Variants in PTPRA observed in about 807,000 individuals in gnomAD.
The protein encoded by PTPRA is protein tyrosine phosphatase receptor type A, also known as receptor-type tyrosine-protein phosphatase alpha.
In PTPRA, 25 loss-of-function variants were observed where a neutral mutation model predicts 104.8. The observed-to-expected ratio is 0.24, with a 90% CI of 0.17 to 0.33. The LOEUF is 0.33. Ranked by LOEUF, PTPRA falls within the 10% of genes least tolerant of loss-of-function variation. The pLI is 1.00. For synonymous variants in PTPRA, 323 were observed against 368.9 expected, an observed-to-expected ratio of 0.88 and a Z score of 1.43; for missense variants, 765 against 1,015.3, an observed-to-expected ratio of 0.75 and a Z score of 3.35.
intron 1 of PTPRA, among the ~76,000 whole-genome samples, chr20:2,894,542 A>G (rs1295238493): frequency 6.6e-6 from 1 of 151,812 alleles, no homozygotes; most frequent in Non-Finnish European, 1.5e-5. Flanking sequence ...TCCCGGGCTC[A>G]AGTGATCTTC....
At chr20:2,987,229 T>A (rs2062948161) in intron 7 of PTPRA, among the ~76,000 whole-genome samples, 1 of 151,978 alleles carries the variant, frequency 6.6e-6, no homozygotes, top group African/African-American at 2.4e-5. Flanking sequence ...TAAGATTACA[T>A]GCTCAACAAA....
At chr20:2,873,144 A>T (rs1243960025), upstream of PTPRA, among the ~76,000 whole-genome samples, 1 of 152,116 alleles carries the variant, frequency 6.6e-6, no homozygotes, top group African/African-American at 2.4e-5. The surrounding 1 kb of genome is among the most constrained non-coding windows in gnomAD (Gnocchi z 4.4). Context: ...GTGGCTAGAC[A>T]TTGGTGTAGT....
chr20:2,898,987 A>G (rs1031006730), intron 1 of PTPRA, among the ~76,000 whole-genome samples: 1 of 152,228 alleles, frequency 6.6e-6, no homozygotes, highest in African/African-American at 2.4e-5. Flanking sequence ...GCACTACTAG[A>G]TATGTTCTTT....
intron 1 of PTPRA, among the ~76,000 whole-genome samples, chr20:2,915,996 T>G (rs1302916207): frequency 6.6e-6 from 1 of 152,110 alleles, no homozygotes; most frequent in African/African-American, 2.4e-5. Flanking sequence ...AACAATAATT[T>G]TATAGTTGTA....
chr20:2,889,435 T>G (rs1187082922), intron 1 of PTPRA, among the ~76,000 whole-genome samples: 2 of 152,202 alleles, frequency 1.3e-5, no homozygotes, highest in East Asian at 3.8e-4. Context: ...CTTAAGCTCT[T>G]GGGCAATCTG....
chr20:2,942,385 A>G (rs555923827), intron 2 of PTPRA, among the ~76,000 whole-genome samples: 2 of 152,000 alleles, frequency 1.3e-5, no homozygotes, highest in South Asian at 4.1e-4. Context: ...TTATACTAGT[A>G]TTTTCATGGC....
rs1192648959 is a variant in PTPRA, at chr20:2,950,658, T to G, written c.-7+2634T>G. Among the ~76,000 whole-genome samples, 2 of 151,872 alleles carry G rather than the reference T, an allele frequency of 1.3e-5. No individual in the cohort carries two copies. The highest frequency in any genetic ancestry group is 2.4e-5 in the African/African-American group (1 of 41,366). ...ACTCCATCTCAAAAAAAAAAAAAAT[T>G]TACTTGTGTCTTCTCTTTTTACCTG... On this transcript the variant is annotated intron_variant, in intron 3 of 23. Transcript: ENST00000399903. This position sits in a 1 kb window ranked among gnomAD's most constrained non-coding sequence, Gnocchi z 4.0.
intron 2 of PTPRA, among the ~76,000 whole-genome samples, chr20:2,927,535 A>G (rs2060346121): frequency 1.3e-5 from 2 of 152,084 alleles, no homozygotes; most frequent in African/African-American, 4.8e-5. Flanking sequence ...CAAACCATAC[A>G]CTGTGGCCCA....
intron 7 of PTPRA, 134 bp downstream of exon 7, chr20:2,986,983 C>CT: frequency 1.3e-6 from 1 of 793,992 alleles, no homozygotes; most frequent in Non-Finnish European, 2.1e-6. Flanking sequence ...CATGATAGTG[C>CT]TAAAATTGAA....
intron 9 of PTPRA, among the ~76,000 whole-genome samples, chr20:2,997,733 C>T (rs2063454878): frequency 1.3e-5 from 2 of 152,204 alleles, no homozygotes; most frequent in African/African-American, 4.8e-5. Context: ...TGAATTTATT[C>T]AAAAGAAATA....
At position 3,022,928 on chromosome 20, in the gene PTPRA, A is replaced by G; in HGVS notation, c.1464+104A>G. The G allele has an allele frequency of 1.3e-6, 2 of 1,509,928 alleles. No individual in the cohort carries two copies. Among genetic ancestry groups the G allele is most frequent in the East Asian group, 2.4e-5 (1 of 41,752 alleles). 93.5% of individuals were successfully genotyped at this position (1,509,928 alleles called of 1,614,324 possible). ...TCACAGGTTATTGTAAATGATTACTATAGAGTGTGATTGTGGGGGAAAGAA... is the reference window on the plus strand; with the variant it reads ...TCACAGGTTATTGTAAATGATTACTGTAGAGTGTGATTGTGGGGGAAAGAA... On this transcript the variant is annotated intron_variant, in intron 16 of 23. Coordinates refer to ENST00000399903, the MANE Select transcript of PTPRA (RefSeq NM_001385305.1). This position sits in a 1 kb window ranked among gnomAD's most constrained non-coding sequence, Gnocchi z 4.6.
rs1346185426 is a variant in PTPRA at position 3,022,847 on chromosome 20, G to C, written c.1464+23G>C. 1.2e-6 allele frequency: 2 copies of C among 1,613,940 alleles called. No homozygotes were observed. Among genetic ancestry groups the C allele is most frequent in the Middle Eastern group, 1.6e-4 (1 of 6,080 alleles). On this transcript the variant is annotated intron_variant, in intron 16 of 23. Coordinates refer to ENST00000399903, the MANE Select transcript of PTPRA (RefSeq NM_001385305.1). This position sits in a 1 kb window ranked among gnomAD's most constrained non-coding sequence, Gnocchi z 4.6. ...GATGTGAGTGATCTGTGGGTCAGGT[G>C]AGGGTGGGGGGTTCCAGGACTAAAA...
At chr20:2,994,630 G>T (rs2148204380) in intron 9 of PTPRA, among the ~76,000 whole-genome samples, 1 of 152,330 alleles carries the variant, frequency 6.6e-6, no homozygotes, top group East Asian at 1.9e-4. Context: ...GTCAGTAGAA[G>T]GCTGAGCCTT....
chr20:2,921,570 T>C (rs2060097904), intron 1 of PTPRA, among the ~76,000 whole-genome samples: 1 of 152,116 alleles, frequency 6.6e-6, no homozygotes, highest in African/African-American at 2.4e-5. Context: ...TTGGGACTCT[T>C]TTTTCCCCCC....
intron 9 of PTPRA, among the ~76,000 whole-genome samples, chr20:3,003,734 C>T (rs978560914): frequency 7.2e-6 from 1 of 138,452 alleles, no homozygotes; most frequent in Non-Finnish European, 1.5e-5. Context: ...AATGTAGAGA[C>T]GAGGTCTTGC....
At chr20:2,981,756 T>C (rs545121778) in intron 6 of PTPRA, among the ~76,000 whole-genome samples, 4 of 152,182 alleles carry the variant, frequency 2.6e-5, no homozygotes, top group Non-Finnish European at 5.9e-5. Flanking sequence ...TCCTGGTACC[T>C]CAAGGTCCAC....
At chr20:2,936,290 G>A (rs1417126703) in intron 2 of PTPRA, among the ~76,000 whole-genome samples, 3 of 152,070 alleles carry the variant, frequency 2.0e-5, no homozygotes, top group African/African-American at 7.2e-5. Context: ...AACTATATTT[G>A]AAGTAAGTTT....
chr20:2,934,011 TACTTAAA>T (rs1200887947), intron 2 of PTPRA, among the ~76,000 whole-genome samples: 2 of 152,240 alleles, frequency 1.3e-5, no homozygotes. Context: ...GTTATTTATA[TACTTAAA>T]ACTTTAAACC....
At chr20:2,975,084 C>G in intron 5 of PTPRA, 131 bp from the exon 6 acceptor site, 1 of 758,288 alleles carries the variant, frequency 1.3e-6, no homozygotes, top group Non-Finnish European at 2.1e-6. Context: ...AGCCTTGTTT[C>G]CCAGTTGTTG....
Sources: gnomAD v4.1 joint callset for allele counts (sites outside exome capture counted in the v4.1 genomes callset) on GRCh38, gnomAD v4.1.1 for gene constraint, Gnocchi (gnomAD v3.1) non-coding constraint, MANE v1.5 for transcripts, NCBI Gene and HGNC (gene_info 2026-07-23, HGNC 2026-07-21) for gene names.